The following NRG3 variants were observed in gnomAD, a reference collection of about 807,000 sequenced individuals.
NRG3 encodes the protein neuregulin 3, also known as pro-neuregulin-3, membrane-bound isoform.
A neutral mutation model predicts 66.9 loss-of-function variants in NRG3; 31 were observed. The observed-to-expected ratio is 0.46, with a 90% CI of 0.35 to 0.63. The LOEUF is 0.63. NRG3 is among the 20% of genes least tolerant of loss of function. The pLI, the probability that NRG3 is intolerant of heterozygous loss-of-function variation, is 0.00. For synonymous variants in NRG3, 393 were observed against 359.4 expected, an observed-to-expected ratio of 1.09 and a Z score of -1.06; for missense variants, 910 against 878.9, an observed-to-expected ratio of 1.04 and a Z score of -0.45.
chr10:82,090,314 CA>C (rs2065953167), intron 1 of NRG3, among the ~76,000 whole-genome samples: 1 of 152,164 alleles, frequency 6.6e-6, no homozygotes, highest in Non-Finnish European at 1.5e-5. Context: ...AATTAGAGTA[CA>C]CTGTTTTATT....
chr10:82,359,163 G>A (rs1018819862), intron 2 of NRG3, among the ~76,000 whole-genome samples: 3 of 152,306 alleles, frequency 2.0e-5, no homozygotes, highest in South Asian at 4.1e-4. Context: ...CTTTAGAAGC[G>A]TCTGTTTATG....
At position 82,272,045 on chromosome 10, in the gene NRG3, C is replaced by A. The variant is rs57505715; in HGVS notation, c.824-86694C>A. On this transcript the variant is annotated intron_variant, in intron 1 of 8. Transcript: ENST00000372141. ...CTTCTGGAGATAGAATTTAGACACT[C>A]AACAAGTGAGCAAACAAACAACCAT... Among the ~76,000 whole-genome samples the A allele has an allele frequency of 1.4e-3, 207 of 152,156 alleles. 1 individual carries two copies. The highest frequency in any genetic ancestry group is 4.7e-3 in the African/African-American group (197 of 41,534).
At chr10:82,545,702 C>T (rs1286042486) in intron 2 of NRG3, among the ~76,000 whole-genome samples, 1 of 150,026 alleles carries the variant, frequency 6.7e-6, no homozygotes, top group Non-Finnish European at 1.5e-5. Context: ...TTTTTAAACT[C>T]CTGTGCATCA....
intron 2 of NRG3, among the ~76,000 whole-genome samples, chr10:82,655,880 A>G (rs1033106200): frequency 2.6e-5 from 4 of 152,192 alleles, no homozygotes; most frequent in Non-Finnish European, 5.9e-5. Context: ...CACAAACAAG[A>G]TGTCAGGACA....
intron 1 of NRG3, among the ~76,000 whole-genome samples, chr10:82,228,531 AT>A (rs143167509): frequency 0.026 from 3,894 of 148,714 alleles, 174 homozygotes; most frequent in African/African-American, 0.09. Flanking sequence ...GACTTTTTTC[AT>A]TTTTTTTTTA....
chr10:82,471,541 A>G (rs1841263088), intron 2 of NRG3, among the ~76,000 whole-genome samples: 1 of 152,154 alleles, frequency 6.6e-6, no homozygotes, highest in African/African-American at 2.4e-5. Flanking sequence ...ATTTTAACCT[A>G]TAGGCTTACT....
intron 4 of NRG3, among the ~76,000 whole-genome samples, chr10:82,869,567 A>ATTTATTTTATTTTAT (rs55739136): frequency 0.13 from 14,845 of 113,038 alleles, 1,449 homozygotes; most frequent in Middle Eastern, 0.16. Flanking sequence ...GGTCTTTTTT[A>ATTTATTTTATTTTAT]TTTATTTTAT....
chr10:82,611,603 C>CT (rs1267396645), intron 2 of NRG3, among the ~76,000 whole-genome samples: 1 of 152,114 alleles, frequency 6.6e-6, no homozygotes, highest in Non-Finnish European at 1.5e-5. Flanking sequence ...TGAACTCATC[C>CT]TTTTTTATGG....
chr10:82,152,882 T>C (rs1183497201), intron 1 of NRG3, among the ~76,000 whole-genome samples: 1 of 151,736 alleles, frequency 6.6e-6, no homozygotes, highest in African/African-American at 2.4e-5. Flanking sequence ...TTCTTTCTTT[T>C]TCTTCCTTTT....
At chr10:82,292,411 A>C (rs1181093347) in intron 1 of NRG3, among the ~76,000 whole-genome samples, 1 of 152,206 alleles carries the variant, frequency 6.6e-6, no homozygotes, top group African/African-American at 2.4e-5. Flanking sequence ...ACCACTCTGG[A>C]AAACAGTTTG....
chr10:82,730,677 A>T (rs2057856339), intron 2 of NRG3, among the ~76,000 whole-genome samples: 2 of 152,194 alleles, frequency 1.3e-5, no homozygotes, highest in Admixed American at 6.5e-5. Context: ...TCCTGTGTTA[A>T]TTAGTGTTCT....
At chr10:82,937,142 A>G (rs1319585881) in intron 4 of NRG3, among the ~76,000 whole-genome samples, 6 of 152,204 alleles carry the variant, frequency 3.9e-5, no homozygotes, top group Non-Finnish European at 8.8e-5. Context: ...ATTGTTTTCA[A>G]ATAGTTTACA....
chr10:82,446,540 AAAAC>A (rs1242784062), intron 2 of NRG3, among the ~76,000 whole-genome samples: 36 of 152,306 alleles, frequency 2.4e-4, no homozygotes, highest in Non-Finnish European at 4.6e-4. Context: ...CAAAAACAGA[AAAAC>A]AAACACCACA....
intron 2 of NRG3, among the ~76,000 whole-genome samples, chr10:82,724,030 A>G (rs2057457311): frequency 6.6e-6 from 1 of 151,930 alleles, no homozygotes; most frequent in Admixed American, 6.6e-5. Flanking sequence ...GCATAAATGA[A>G]TGAATTGATG....
chr10:82,099,841 G>T (rs574427905), intron 1 of NRG3, among the ~76,000 whole-genome samples: 1 of 151,750 alleles, frequency 6.6e-6, no homozygotes, highest in African/African-American at 2.4e-5. Context: ...CAACTTAGCT[G>T]GTCCCAGTGC....
chr10:82,317,983 A>G (rs1263779556), intron 1 of NRG3, among the ~76,000 whole-genome samples: 2 of 152,100 alleles, frequency 1.3e-5, no homozygotes. Flanking sequence ...AATGAGGCAG[A>G]GTAAAAATTC....
At chr10:82,250,023 C>T (rs1477955937) in intron 1 of NRG3, among the ~76,000 whole-genome samples, 1 of 152,126 alleles carries the variant, frequency 6.6e-6, no homozygotes, top group African/African-American at 2.4e-5. Context: ...AGAAGTACTT[C>T]CTCTCCAGAG....
At chr10:82,083,433 A>T (rs915773661) in intron 1 of NRG3, among the ~76,000 whole-genome samples, 3 of 152,096 alleles carry the variant, frequency 2.0e-5, no homozygotes, top group African/African-American at 7.2e-5. Flanking sequence ...TGAATTACAG[A>T]TGGCTCATAC....
intron 1 of NRG3, among the ~76,000 whole-genome samples, chr10:81,952,768 A>T (rs1589577444): frequency 1.3e-5 from 2 of 150,940 alleles, no homozygotes. Flanking sequence ...CTGCCTGGCT[A>T]TTTTTTTTTA....
Sources: gnomAD v4.1 joint callset for allele counts (sites outside exome capture counted in the v4.1 genomes callset) on GRCh38, gnomAD v4.1.1 for gene constraint, MANE v1.5 for transcripts, NCBI Gene and HGNC (gene_info 2026-07-23, HGNC 2026-07-21) for gene names.